The following UTY variants were observed in gnomAD, a reference collection of about 807,000 sequenced individuals.
The protein encoded by UTY is histone demethylase UTY.
Under a neutral mutation model 32.5 loss-of-function variants are expected in UTY, and 12 were observed. The observed-to-expected ratio is 0.37, with a 90% CI of 0.24 to 0.60. The LOEUF is 0.60. UTY is among the 20% of genes least tolerant of loss of function. UTY has a pLI of 0.69. For missense variants in UTY, 303 were observed against 299.2 expected (o/e 1.01, Z -0.09); for synonymous variants, 131 against 103.4 (o/e 1.27, Z -1.62).
intron 4 of UTY, among the ~76,000 whole-genome samples, chrY:13,423,487 G>T (rs745553108): frequency 3.0e-5 from 1 of 33,247 alleles, no homozygotes; most frequent in Non-Finnish European, 7.4e-5. Flanking sequence ...GATTCTTCTG[G>T]AGTATCAACA....
intron 4 of UTY, among the ~76,000 whole-genome samples, chrY:13,448,091 T>C (rs2076062083): frequency 3.0e-5 from 1 of 33,808 alleles, no homozygotes; most frequent in South Asian, 6.4e-4. Flanking sequence ...CATTTTACAT[T>C]CCCATGTCAA....
At chrY:13,269,977 C>A (rs2056192760) in intron 27 of UTY, among the ~76,000 whole-genome samples, 2 of 34,485 alleles carry the variant, frequency 5.8e-5, no homozygotes, top group East Asian at 1.5e-3. Flanking sequence ...TAGACCAGAG[C>A]TGTTCCTATT....
chrY:13,446,586 A>ATAGATAGG (rs2075819197), intron 4 of UTY, among the ~76,000 whole-genome samples: 4 of 23,221 alleles, frequency 1.7e-4, no homozygotes, highest in Non-Finnish European at 2.9e-4. Flanking sequence ...AGATAGATAG[A>ATAGATAGG]TAGATAGATA....
At chrY:13,423,678 G>C (rs958304591) in intron 4 of UTY, among the ~76,000 whole-genome samples, 24 of 33,243 alleles carry the variant, frequency 7.2e-4, no homozygotes, top group Admixed American at 4.9e-3. Context: ...TGAAATTGGA[G>C]TTAATTGTAT....
At chrY:13,287,489 C>A in intron 27 of UTY, 1 of 167,346 alleles carries the variant, frequency 6.0e-6, no homozygotes, top group Admixed American at 1.1e-4. Flanking sequence ...TCCCACTCCT[C>A]CTACCACCGA....
chrY:13,368,024 GAAGTCCAGAATC>G (rs2064373091), intron 9 of UTY, among the ~76,000 whole-genome samples: 1 of 31,020 alleles, frequency 3.2e-5, no homozygotes, highest in Non-Finnish European at 7.8e-5. Flanking sequence ...AGCAGTAGGG[GAAGTCCAGAATC>G]CAATACTAGC....
chrY:13,246,192 G>A (rs748783610), downstream of UTY, among the ~76,000 whole-genome samples: 1 of 33,241 alleles, frequency 3.0e-5, no homozygotes, highest in Non-Finnish European at 7.4e-5. Flanking sequence ...GACCACAGGT[G>A]ACTTCGGCCT....
chrY:13,265,166 A>C, intron 27 of UTY, among the ~76,000 whole-genome samples: 1 of 33,582 alleles, frequency 3.0e-5, no homozygotes. Flanking sequence ...GTTCAAAGTC[A>C]GGTAGTGTGA....
At chrY:13,261,762 C>T (rs746738887) in intron 27 of UTY, among the ~76,000 whole-genome samples, 3 of 33,357 alleles carry the variant, frequency 9.0e-5, no homozygotes, top group Non-Finnish European at 1.5e-4. Context: ...TAATGTGGCA[C>T]GACAAATTCC....
chrY:13,322,597 A>C, intron 21 of UTY, among the ~76,000 whole-genome samples: 1 of 33,963 alleles, frequency 2.9e-5, no homozygotes, highest in South Asian at 6.7e-4. Context: ...TTTGTAATTT[A>C]AAGGGGCCAT....
At chrY:13,442,783 C>A in intron 4 of UTY, among the ~76,000 whole-genome samples, 1 of 33,416 alleles carries the variant, frequency 3.0e-5, no homozygotes, top group East Asian at 7.8e-4. Flanking sequence ...AGAGAAGACA[C>A]CAAAAATCAT....
At chrY:13,426,273 T>C (rs778419317) in intron 4 of UTY, among the ~76,000 whole-genome samples, 1 of 28,860 alleles carries the variant, frequency 3.5e-5, no homozygotes, top group African/African-American at 1.4e-4. Flanking sequence ...CTTTGAAAAA[T>C]GAAGGAAGAA....
At chrY:13,306,709 CT>C (rs2058710036) in intron 21 of UTY, among the ~76,000 whole-genome samples, 1 of 31,418 alleles carries the variant, frequency 3.2e-5, no homozygotes, top group South Asian at 7.1e-4. Flanking sequence ...ATTCTTCCTT[CT>C]TTTTTTTTGA....
intron 4 of UTY, among the ~76,000 whole-genome samples, chrY:13,432,662 C>T: frequency 3.0e-5 from 1 of 33,682 alleles, no homozygotes; most frequent in Non-Finnish European, 7.3e-5. Context: ...AGGCCCACCA[C>T]GTGGTCCACC....
At chrY:13,470,061 C>T in intron 3 of UTY, 60 bp downstream of exon 3, 1 of 247,422 alleles carries the variant, frequency 4.0e-6, no homozygotes, top group South Asian at 5.5e-5. Flanking sequence ...AAGGAAAAAA[C>T]GTTACAACTA....
intron 27 of UTY, among the ~76,000 whole-genome samples, chrY:13,260,741 A>C: frequency 3.0e-5 from 1 of 32,994 alleles, no homozygotes; most frequent in Non-Finnish European, 7.5e-5. Flanking sequence ...AAAGTTCAGA[A>C]TTACAGGTTG....
intron 21 of UTY, among the ~76,000 whole-genome samples, chrY:13,318,473 AC>A (rs2059639572): frequency 3.1e-5 from 1 of 32,098 alleles, no homozygotes; most frequent in South Asian, 6.9e-4. Flanking sequence ...AAACAAACAA[AC>A]AAAAAAAACC....
intron 5 of UTY, among the ~76,000 whole-genome samples, chrY:13,413,834 C>T: frequency 2.9e-5 from 1 of 34,338 alleles, no homozygotes; most frequent in South Asian, 6.3e-4. Flanking sequence ...TGCCACTCTG[C>T]ACCTGGCTCC....
chrY:13,426,420 T>C, intron 4 of UTY, among the ~76,000 whole-genome samples: 1 of 33,177 alleles, frequency 3.0e-5, no homozygotes, highest in Non-Finnish European at 7.5e-5. Flanking sequence ...GCCTAGGATG[T>C]GTATTTAGGA....
Sources: allele counts gnomAD v4.1 joint callset (sites outside exome capture counted in the v4.1 genomes callset), GRCh38; gene constraint gnomAD v4.1.1; transcripts MANE v1.5; gene names NCBI Gene and HGNC (gene_info 2026-07-23, HGNC 2026-07-21).